Variants in PTPRN2 observed in about 807,000 individuals in gnomAD.
PTPRN2 encodes the protein protein tyrosine phosphatase receptor type N2.
Under a neutral mutation model 118.8 loss-of-function variants are expected in PTPRN2, and 74 were observed. That is an observed-to-expected ratio of 0.62 (90% CI 0.52 to 0.76). PTPRN2 has a LOEUF of 0.76. Among genes scored for constraint, PTPRN2 ranks in the 30% least tolerant of loss-of-function variants. PTPRN2 has a pLI of 0.00. For synonymous variants in PTPRN2, 641 were observed against 608.0 expected (o/e 1.05, Z -0.80); for missense variants, 1,481 against 1,394.4 (o/e 1.06, Z -0.99).
At chr7:157,641,114 G>A (rs1253075853) in intron 14 of PTPRN2, among the ~76,000 whole-genome samples, 1 of 152,198 alleles carries the variant, frequency 6.6e-6, no homozygotes, top group Non-Finnish European at 1.5e-5. Context: ...AGGTAGCTGA[G>A]GTCTGTGTCT....
At chr7:158,475,509 G>A (rs890617748) in intron 2 of PTPRN2, among the ~76,000 whole-genome samples, 14 of 152,194 alleles carry the variant, frequency 9.2e-5, no homozygotes, top group Admixed American at 2.0e-4. Flanking sequence ...CACCAAGGAC[G>A]GGCCCACTCA....
At chr7:157,978,855 G>A (rs1050685079) in intron 11 of PTPRN2, among the ~76,000 whole-genome samples, 3 of 151,988 alleles carry the variant, frequency 2.0e-5, no homozygotes, top group Non-Finnish European at 4.4e-5. Context: ...GCTGACAGAC[G>A]AGACCCCAGG....
At chr7:158,276,634 C>T (rs1054535858) in intron 3 of PTPRN2, among the ~76,000 whole-genome samples, 10 of 152,348 alleles carry the variant, frequency 6.6e-5, no homozygotes, top group African/African-American at 2.2e-4. Context: ...CATTTATTAA[C>T]CACCAGCTTC....
intron 10 of PTPRN2, among the ~76,000 whole-genome samples, chr7:158,087,520 C>G (rs1288100544): frequency 6.6e-6 from 1 of 152,226 alleles, no homozygotes; most frequent in Non-Finnish European, 1.5e-5. Context: ...AAGGTGACTC[C>G]TATTTAGGGT....
At chr7:157,885,677 T>G (rs1796411594) in intron 12 of PTPRN2, among the ~76,000 whole-genome samples, 1 of 152,256 alleles carries the variant, frequency 6.6e-6, no homozygotes, top group South Asian at 2.1e-4. Flanking sequence ...TTCATATTCA[T>G]GGAGTATACC....
intron 3 of PTPRN2, among the ~76,000 whole-genome samples, chr7:158,274,238 A>G (rs1346583353): frequency 1.6e-5 from 2 of 128,098 alleles, no homozygotes; most frequent in African/African-American, 6.1e-5. Context: ...GAGGAGCCAC[A>G]GACACGGGAG....
chr7:158,155,258 T>C (rs947357166), intron 6 of PTPRN2, among the ~76,000 whole-genome samples: 92 of 152,286 alleles, frequency 6.0e-4, no homozygotes, highest in African/African-American at 2.1e-3. Flanking sequence ...CCAAACAAAA[T>C]GGTACAAGCT....
At chr7:157,877,881 G>C (rs1269150553) in intron 12 of PTPRN2, among the ~76,000 whole-genome samples, 1 of 152,200 alleles carries the variant, frequency 6.6e-6, no homozygotes, top group African/African-American at 2.4e-5. Flanking sequence ...CTTGACCGGG[G>C]AGAAGAGGAA....
chr7:158,261,224 G>A (rs1346632387), intron 3 of PTPRN2, among the ~76,000 whole-genome samples: 1 of 152,160 alleles, frequency 6.6e-6, no homozygotes, highest in Non-Finnish European at 1.5e-5. Flanking sequence ...AGAGGCCAGG[G>A]TCGGCCTGCA....
In PTPRN2 at chr7:157,990,960, C is replaced by T. The variant is rs373629664; in HGVS notation, c.1723+90338G>A. On this transcript the variant is annotated intron_variant, in intron 11 of 22. Transcript: ENST00000389418. The surrounding 1 kb of genome is among the most constrained non-coding windows in gnomAD (Gnocchi z 4.3). ...TGTGCCCCAGATCCCCAGAGTCCAG[C>T]GAACTTCCCTGGCCCTGGCCAGAGT... 2.8e-4 allele frequency among the ~76,000 whole-genome samples: 43 copies of T among 152,180 alleles called. No individual in the cohort carries two copies. The highest frequency in any genetic ancestry group is 1.4e-3 in the South Asian group (7 of 4,830).
intron 12 of PTPRN2, among the ~76,000 whole-genome samples, chr7:157,686,209 C>A (rs1563344364): frequency 6.6e-6 from 1 of 152,198 alleles, no homozygotes; most frequent in South Asian, 2.1e-4. Flanking sequence ...CCGCGGGCGC[C>A]GCAGAAGAAA....
intron 11 of PTPRN2, among the ~76,000 whole-genome samples, chr7:158,033,769 C>T (rs1309339544): frequency 6.7e-6 from 1 of 150,174 alleles, no homozygotes; most frequent in Non-Finnish European, 1.5e-5. Context: ...CCCGGGTGCA[C>T]ATCCCTGGTC....
At position 158,204,766 on chromosome 7, in the gene PTPRN2, C is replaced by A. The variant is rs4909138; in HGVS notation, c.380+405G>T. 1.1e-3 allele frequency among the ~76,000 whole-genome samples: 175 copies of A among 152,188 alleles called. 2 individuals carry two copies. The East Asian group carries it at 0.026, about 23-fold the overall frequency. On this transcript the variant is annotated intron_variant, in intron 4 of 22. Coordinates refer to ENST00000389418, the MANE Select transcript of PTPRN2 (RefSeq NM_002847.5). Reference sequence around the variant, plus strand: ...GAGTACAAAATAAGATAATATGGAACAATATATTTAGCTCAGTATACGTTG... The same window carrying A: ...GAGTACAAAATAAGATAATATGGAAAAATATATTTAGCTCAGTATACGTTG...
intron 3 of PTPRN2, among the ~76,000 whole-genome samples, chr7:158,285,406 A>G (rs1227859567): frequency 6.6e-6 from 1 of 152,204 alleles, no homozygotes; most frequent in South Asian, 2.1e-4. Flanking sequence ...TCTCCTCAGA[A>G]GGACAGGGAT....
intron 3 of PTPRN2, among the ~76,000 whole-genome samples, chr7:158,313,138 G>T (rs540836572): frequency 6.6e-6 from 1 of 152,136 alleles, no homozygotes; most frequent in Non-Finnish European, 1.5e-5. Flanking sequence ...GTGTCTACAC[G>T]TGAGCATGTG....
At chr7:157,697,370 C>T (rs1797843882) in intron 12 of PTPRN2, among the ~76,000 whole-genome samples, 1 of 137,918 alleles carries the variant, frequency 7.3e-6, no homozygotes, top group Non-Finnish European at 1.6e-5. Context: ...TCTACCCATG[C>T]ATACTGGGTC....
intron 3 of PTPRN2, among the ~76,000 whole-genome samples, chr7:158,274,767 G>T (rs1446981778): frequency 6.6e-6 from 1 of 152,138 alleles, no homozygotes; most frequent in Admixed American, 6.5e-5. Context: ...ATCACGCTGT[G>T]GCCACACACA....
rs1800808040 is a variant in PTPRN2, at chr7:157,744,467, T to C, written c.1789-61530A>G. On this transcript the variant is annotated intron_variant, in intron 12 of 22. Coordinates refer to ENST00000389418, the MANE Select transcript of PTPRN2 (RefSeq NM_002847.5). ...CATTACACAACGATGGAATCTGCTC[T>C]GGGAAGAATAAATGGCTCTGGTGAG... 2.0e-5 allele frequency among the ~76,000 whole-genome samples: 3 copies of C among 151,494 alleles called. No individual in the cohort carries two copies. The South Asian group carries it at 6.2e-4, about 31-fold the overall frequency.
In PTPRN2 at chr7:158,138,423, G is replaced by A. The variant is rs1196777188; in HGVS notation, c.1003C>T (p.Leu335=). 5 of 1,613,546 alleles carry A rather than the reference G, an allele frequency of 3.1e-6. No individual in the cohort carries two copies. The East Asian group carries it at 1.1e-4, about 36-fold the overall frequency. Reference sequence around the variant, plus strand: ...ACGCCTTGCATCAGGCCAGCCATCAGCTCAGCCATGCCGTCCAGCTCCAGG... The same window carrying A: ...ACGCCTTGCATCAGGCCAGCCATCAACTCAGCCATGCCGTCCAGCTCCAGG... ...SGLELDGMAE[L]MAGLMQGVDH... is the part of the protein sequence containing the mutation. The change falls in exon 7 of 23, where the codon CTG becomes TTG. Residue 335 remains leucine, a synonymous_variant. Coordinates refer to ENST00000389418, the MANE Select transcript of PTPRN2 (RefSeq NM_002847.5).
Sources: gnomAD v4.1 joint callset for allele counts (sites outside exome capture counted in the v4.1 genomes callset) on GRCh38, gnomAD v4.1.1 for gene constraint, Gnocchi (gnomAD v3.1) non-coding constraint, MANE v1.5 for transcripts, NCBI Gene and HGNC (gene_info 2026-07-23, HGNC 2026-07-21) for gene names.